DDX10: variants seen among roughly 807,000 people sequenced by gnomAD.
DDX10 encodes DEAD-box helicase 10, also known as probable ATP-dependent RNA helicase DDX10.
A neutral mutation model predicts 104.3 loss-of-function variants in DDX10; 74 were observed. That is an observed-to-expected ratio of 0.71 (90% CI 0.59 to 0.86). The LOEUF (loss-of-function observed/expected upper bound fraction) is 0.86, where lower values mean the gene tolerates loss of function less well. DDX10 is among the 40% of genes least tolerant of loss of function. The pLI, the probability that DDX10 is intolerant of heterozygous loss-of-function variation, is 0.00. For synonymous variants in DDX10, 351 were observed against 353.4 expected (o/e 0.99, Z 0.08); for missense variants, 952 against 1,040.0 (o/e 0.92, Z 1.16).
chr11:108,940,469 C>T lies in DDX10; in HGVS notation c.*46C>T, dbSNP rs367969272. The T allele has an allele frequency of 2.1e-5, 33 of 1,588,654 alleles. No individual in the cohort carries two copies. Among genetic ancestry groups the T allele is most frequent in the Non-Finnish European group, 2.7e-5 (31 of 1,166,594 alleles). ...CTCCTTGAAACCTTGGTTATGACTG[C>T]GTAGGCAAGAAGTTGAAAAACAGTT... On this transcript the variant is annotated 3_prime_UTR_variant, in exon 18 of 18. Coordinates refer to ENST00000322536, the MANE Select transcript of DDX10 (RefSeq NM_004398.4).
rs1323403280 is a variant in DDX10, at chr11:108,852,194, C to A, written c.2289C>A (p.Asn763Lys). 1 of 1,611,138 alleles carries A rather than the reference C, an allele frequency of 6.2e-7. No individual in the cohort carries two copies. The highest frequency in any genetic ancestry group is 1.7e-5 in the Admixed American group (1 of 59,730). The part of the protein sequence containing the change: ...LKEREARREA[N>K]KRQAKAKDEE... ...AAAGGGAAGCCAGAAGAGAAGCCAA[C>A]AAGAGACAAGCAAAGGTAAGGGTTT... The change falls in exon 16 of 18, where the codon AAC becomes AAA. Residue 763 changes from asparagine (N) to lysine (K), a missense_variant. Around this residue, in one of 3 missense-constraint regions of DDX10, gnomAD observed 533 missense variants for 534.1 expected, o/e 1.00. Coordinates refer to ENST00000322536, the MANE Select transcript of DDX10 (RefSeq NM_004398.4).
intron 16 of DDX10, among the ~76,000 whole-genome samples, chr11:108,908,668 C>T (rs11212809): frequency 2.6e-5 from 4 of 152,148 alleles, no homozygotes; most frequent in African/African-American, 7.2e-5. Context: ...CAGTGGGTCT[C>T]TAATACATTA....
At chr11:108,767,026 A>G (rs2094357221) in intron 13 of DDX10, among the ~76,000 whole-genome samples, 1 of 152,198 alleles carries the variant, frequency 6.6e-6, no homozygotes, top group African/African-American at 2.4e-5. Context: ...GGACTCTTCC[A>G]CTTTTGGGGT....
At chr11:108,724,711 A>T (rs567733366) in intron 13 of DDX10, among the ~76,000 whole-genome samples, 4 of 152,214 alleles carry the variant, frequency 2.6e-5, no homozygotes, top group African/African-American at 4.8e-5. Context: ...CAAAGCTTCA[A>T]ATTAAGATGA....
intron 13 of DDX10, among the ~76,000 whole-genome samples, chr11:108,728,164 C>T (rs972302973): frequency 5.3e-5 from 8 of 152,078 alleles, no homozygotes; most frequent in Non-Finnish European, 1.0e-4. Context: ...AATGCTCATT[C>T]TAAGAAAACA....
chr11:108,733,252 A>G (rs1190664412), intron 13 of DDX10, among the ~76,000 whole-genome samples: 1 of 151,984 alleles, frequency 6.6e-6, no homozygotes, highest in Non-Finnish European at 1.5e-5. Flanking sequence ...AGATTCTCCT[A>G]TGTGGGAGCT....
At position 108,779,695 on chromosome 11, in the gene DDX10, A is replaced by G. The variant is rs139717132; in HGVS notation, c.1965+56233A>G. On this transcript the variant is annotated intron_variant, in intron 13 of 17. Coordinates refer to ENST00000322536, the MANE Select transcript of DDX10 (RefSeq NM_004398.4). The stretch of plus-strand genomic sequence containing the variant: ...AAAAAATAAAAAATAATAAAAATAA[A>G]TAAAATTATTTACATGGGCTTCATG... Among the ~76,000 whole-genome samples, 447 of 152,304 alleles carry G rather than the reference A, an allele frequency of 2.9e-3. 6 individuals are homozygous for G. Among genetic ancestry groups the G allele is most frequent in the African/African-American group, 0.01 (419 of 41,576 alleles).
intron 13 of DDX10, among the ~76,000 whole-genome samples, chr11:108,824,417 G>A (rs1221905885): frequency 6.6e-6 from 1 of 152,098 alleles, no homozygotes; most frequent in Non-Finnish European, 1.5e-5. Flanking sequence ...ATGACCATGT[G>A]ACACAAGTTA....
At chr11:108,806,315 C>T (rs1363683858) in intron 13 of DDX10, among the ~76,000 whole-genome samples, 2 of 152,126 alleles carry the variant, frequency 1.3e-5, no homozygotes, top group Non-Finnish European at 2.9e-5. Context: ...ATGGAAGGGG[C>T]TTTAACAGAT....
chr11:108,926,986 T>C (rs1034567418), intron 17 of DDX10, among the ~76,000 whole-genome samples: 3 of 152,220 alleles, frequency 2.0e-5, no homozygotes, highest in African/African-American at 7.2e-5. Context: ...AATTCTTGTC[T>C]CTCACAGTAG....
intron 10 of DDX10, among the ~76,000 whole-genome samples, chr11:108,713,155 T>C (rs1205673720): frequency 1.3e-5 from 2 of 152,190 alleles, no homozygotes; most frequent in African/African-American, 4.8e-5. Context: ...TCTGTCTTTT[T>C]CTGTCTCTCC....
chr11:108,678,573 T>G, intron 5 of DDX10, 138 bp downstream of exon 5: 1 of 979,470 alleles, frequency 1.0e-6, no homozygotes, highest in Non-Finnish European at 1.4e-6. Flanking sequence ...CTGAAACATT[T>G]TGGCATTTGG....
At chr11:108,826,669 T>G (rs1228592184) in intron 13 of DDX10, among the ~76,000 whole-genome samples, 1 of 152,220 alleles carries the variant, frequency 6.6e-6, no homozygotes, top group Admixed American at 6.5e-5. Flanking sequence ...TGCTGCCCAA[T>G]TAGCGGTGAC....
At chr11:108,716,272 T>C (rs985023356) in intron 11 of DDX10, among the ~76,000 whole-genome samples, 1 of 152,158 alleles carries the variant, frequency 6.6e-6, no homozygotes, top group African/African-American at 2.4e-5. Context: ...CTAATTTTTT[T>C]GTATTGTAGT....
At chr11:108,678,171 A>G in intron 4 of DDX10, 144 bp from the exon 5 acceptor site, 7 of 780,646 alleles carry the variant, frequency 9.0e-6, no homozygotes, top group Non-Finnish European at 1.3e-5. Context: ...TATGGTTCAG[A>G]AATACAAGGG....
intron 13 of DDX10, among the ~76,000 whole-genome samples, chr11:108,825,804 A>T (rs1862388103): frequency 6.6e-6 from 1 of 152,246 alleles, no homozygotes; most frequent in South Asian, 2.1e-4. Flanking sequence ...TACAGAAAAA[A>T]GATTAACATT....
intron 17 of DDX10, among the ~76,000 whole-genome samples, chr11:108,935,035 T>C (rs1162627277): frequency 6.6e-6 from 1 of 152,182 alleles, no homozygotes; most frequent in Non-Finnish European, 1.5e-5. Flanking sequence ...TAACCGTCAT[T>C]ATTTTTACTA....
At chr11:108,788,054 C>T (rs986893773) in intron 13 of DDX10, among the ~76,000 whole-genome samples, 4 of 152,152 alleles carry the variant, frequency 2.6e-5, no homozygotes, top group Non-Finnish European at 5.9e-5. Flanking sequence ...TTACTGTATT[C>T]CTTGGATTGG....
At chr11:108,752,311 C>G (rs1323049285) in intron 13 of DDX10, among the ~76,000 whole-genome samples, 1 of 152,076 alleles carries the variant, frequency 6.6e-6, no homozygotes, top group Non-Finnish European at 1.5e-5. Flanking sequence ...TTAGAGAAAA[C>G]AAATGGTGTC....
Sources: gnomAD v4.1 joint callset for allele counts (sites outside exome capture counted in the v4.1 genomes callset) on GRCh38, gnomAD v4.1.1 for gene constraint, gnomAD v4.1.1 regional missense constraint, MANE v1.5 for transcripts, NCBI Gene and HGNC (gene_info 2026-07-23, HGNC 2026-07-21) for gene names.